ADCY9: variants seen among roughly 807,000 people sequenced by gnomAD.
ADCY9 encodes adenylate cyclase type 9.
ADCY9 carries 50 observed loss-of-function variants against 101.5 expected under a neutral mutation model. That is an observed-to-expected ratio of 0.49 (90% CI 0.39 to 0.62). ADCY9 has a LOEUF of 0.62. Among genes scored for constraint, ADCY9 ranks in the 20% least tolerant of loss-of-function variants. The pLI is 0.00. For synonymous variants in ADCY9, 905 were observed against 769.3 expected (o/e 1.18, Z -2.92); for missense variants, 1,662 against 1,800.4 (o/e 0.92, Z 1.39).
chr16:4,029,780 A>G (rs560630443), intron 2 of ADCY9, among the ~76,000 whole-genome samples: 16 of 152,282 alleles, frequency 1.1e-4, no homozygotes, highest in Admixed American at 2.0e-4. Flanking sequence ...AAGCCCAACA[A>G]TAAGAAAACA....
rs1947549816 is a variant in ADCY9 at position 3,976,126 on chromosome 16, G to GGACT, written c.2828+1352_2828+1355dup. On this transcript the variant is annotated intron_variant, in intron 9 of 10. Coordinates refer to ENST00000294016, the MANE Select transcript of ADCY9 (RefSeq NM_001116.4). ...CCTGCCTCAGCCTCCTGAGTAGCTGGGACTACAGGTGCACACCGCCATGCC... is the reference window on the plus strand; with the variant it reads ...CCTGCCTCAGCCTCCTGAGTAGCTGGGACTGACTACAGGTGCACACCGCCATGCC... Among the ~76,000 whole-genome samples, 3 of 151,954 alleles carry GGACT rather than the reference G, an allele frequency of 2.0e-5. No homozygotes were observed. The South Asian group carries it at 6.2e-4, about 32-fold the overall frequency.
At chr16:4,087,729 CGG>C (rs1567143083) in intron 2 of ADCY9, among the ~76,000 whole-genome samples, 1 of 151,414 alleles carries the variant, frequency 6.6e-6, no homozygotes, top group East Asian at 1.9e-4. Context: ...ACTATTTGCT[CGG>C]ATACTACAGT....
intron 10 of ADCY9, among the ~76,000 whole-genome samples, chr16:3,971,390 G>A (rs938250187): frequency 6.6e-6 from 1 of 152,194 alleles, no homozygotes; most frequent in South Asian, 2.1e-4. Context: ...GGAGTCCTGA[G>A]TCCACCTGGG....
At chr16:4,083,897 G>A (rs2056920988) in intron 2 of ADCY9, among the ~76,000 whole-genome samples, 1 of 152,198 alleles carries the variant, frequency 6.6e-6, no homozygotes, top group Non-Finnish European at 1.5e-5. Flanking sequence ...TCTCTGTCGA[G>A]TGAAGAAAAC....
chr16:3,991,240 A>T (rs983490567), intron 5 of ADCY9, among the ~76,000 whole-genome samples: 2 of 152,236 alleles, frequency 1.3e-5, no homozygotes, highest in African/African-American at 4.8e-5. Context: ...TAGTCATAAG[A>T]GGAATATAAT....
Position 3,964,458 on chromosome 16 carries a change from T to C in ADCY9, c.*1317A>G, listed in dbSNP as rs2055969760. On this transcript the variant is annotated 3_prime_UTR_variant, in exon 11 of 11. Coordinates refer to ENST00000294016, the MANE Select transcript of ADCY9 (RefSeq NM_001116.4). ...CAGATGCCTCTGTCCCTAGATACGGTGTGAGAACTCCATTTCAGAGCTGGA... is the reference window on the plus strand; with the variant it reads ...CAGATGCCTCTGTCCCTAGATACGGCGTGAGAACTCCATTTCAGAGCTGGA... 3 of 152,276 alleles carry C rather than the reference T, an allele frequency of 2.0e-5. No homozygotes were observed. 9.4% of individuals were successfully genotyped at this position (152,276 alleles called of 1,614,324 possible).
intron 2 of ADCY9, among the ~76,000 whole-genome samples, chr16:4,081,841 T>C (rs1480644064): frequency 2.8e-5 from 4 of 144,096 alleles, no homozygotes; most frequent in African/African-American, 8.0e-5. Flanking sequence ...GGGCGCTGTG[T>C]CTGCAGTGGC....
intron 3 of ADCY9, among the ~76,000 whole-genome samples, chr16:4,001,456 G>A (rs993975412): frequency 6.6e-6 from 1 of 152,172 alleles, no homozygotes; most frequent in African/African-American, 2.4e-5. Flanking sequence ...CTAGGGTACC[G>A]GATGGCAGTG....
intron 2 of ADCY9, among the ~76,000 whole-genome samples, chr16:4,013,850 A>G (rs758520573): frequency 6.6e-6 from 1 of 152,232 alleles, no homozygotes; most frequent in South Asian, 2.1e-4. Context: ...AAAAGAGAGA[A>G]TATCTTTCAT....
At position 4,024,601 on chromosome 16, in the gene ADCY9, C is replaced by T. The variant is rs544313439; in HGVS notation, c.1694-17043G>A. Among the ~76,000 whole-genome samples the T allele has an allele frequency of 2.6e-5, 4 of 152,122 alleles. No individual in the cohort carries two copies. In the East Asian group the frequency reaches 7.7e-4, roughly 29 times the overall value. On this transcript the variant is annotated intron_variant, in intron 2 of 10. Coordinates refer to ENST00000294016, the MANE Select transcript of ADCY9 (RefSeq NM_001116.4). ...TTAAAGCCTACACAGCTCTGGGTGGCGAATGGCTCCGGAGGTGTCAGGAGT... is the reference window on the plus strand; with the variant it reads ...TTAAAGCCTACACAGCTCTGGGTGGTGAATGGCTCCGGAGGTGTCAGGAGT...
At chr16:4,104,723 G>C (rs550309332) in intron 2 of ADCY9, among the ~76,000 whole-genome samples, 56 of 152,320 alleles carry the variant, frequency 3.7e-4, no homozygotes, top group African/African-American at 1.3e-3. Context: ...ACTAAAGCCA[G>C]ATTTTCTACA....
chr16:4,084,802 C>G (rs533118187), intron 2 of ADCY9, among the ~76,000 whole-genome samples: 1 of 152,164 alleles, frequency 6.6e-6, no homozygotes, highest in African/African-American at 2.4e-5. Flanking sequence ...ATTAACATAG[C>G]CAAACTGAGC....
chr16:4,003,564 T>TC (rs2056346454), intron 3 of ADCY9, among the ~76,000 whole-genome samples: 1 of 29,834 alleles, frequency 3.4e-5, no homozygotes. Context: ...CTTTCTTTTC[T>TC]TTTTTTTTTT....
chr16:3,971,112 G>A (rs943136984), intron 10 of ADCY9, among the ~76,000 whole-genome samples: 1 of 152,054 alleles, frequency 6.6e-6, no homozygotes, highest in Non-Finnish European at 1.5e-5. Flanking sequence ...ATTTAGGCAC[G>A]TGCTGGGCAG....
intron 2 of ADCY9, among the ~76,000 whole-genome samples, chr16:4,049,565 C>A (rs13380497): frequency 6.6e-6 from 1 of 152,062 alleles, no homozygotes; most frequent in Non-Finnish European, 1.5e-5. Flanking sequence ...GCCGAAACCA[C>A]GTGAAAAGAT....
intron 2 of ADCY9, among the ~76,000 whole-genome samples, chr16:4,080,731 T>G (rs1275007527): frequency 6.6e-6 from 1 of 151,494 alleles, no homozygotes; most frequent in Admixed American, 6.6e-5. Flanking sequence ...TTTTTTTTTT[T>G]GTAAAAATAT....
chr16:3,987,847 C>CA (rs1022221260), intron 6 of ADCY9, among the ~76,000 whole-genome samples: 3 of 152,170 alleles, frequency 2.0e-5, no homozygotes, highest in Admixed American at 6.5e-5. Context: ...TGGGAACACT[C>CA]AGAGGTTAGG....
chr16:3,966,019 G>C lies in ADCY9; in HGVS notation c.3818C>G (p.Ser1273Cys). The C allele has an allele frequency of 6.2e-7, 1 of 1,614,210 alleles. No homozygotes were observed. Among genetic ancestry groups the C allele is most frequent in the South Asian group, 1.1e-5 (1 of 91,084 alleles). Reference protein sequence around the residue: ...RVQVDGSIGRSPTDEIANLVP... With the variant: ...RVQVDGSIGRCPTDEIANLVP... Reference sequence around the variant, plus strand: ...CAGGTTGGCAATCTCGTCTGTGGGAGACCGTCCGATGCTGCCATCCACCTG... The same window carrying C: ...CAGGTTGGCAATCTCGTCTGTGGGACACCGTCCGATGCTGCCATCCACCTG... Residue 1273 changes from serine (S) to cysteine (C), a missense_variant, in exon 11 of 11, where the codon TCT becomes TGT. Coordinates refer to ENST00000294016, the MANE Select transcript of ADCY9 (RefSeq NM_001116.4).
At chr16:4,073,107 T>C (rs1051485110) in intron 2 of ADCY9, among the ~76,000 whole-genome samples, 1 of 152,174 alleles carries the variant, frequency 6.6e-6, no homozygotes, top group Non-Finnish European at 1.5e-5. Context: ...ACATTTTCTT[T>C]TTTTTCAGAA....
Sources: allele counts gnomAD v4.1 joint callset (sites outside exome capture counted in the v4.1 genomes callset), GRCh38; gene constraint gnomAD v4.1.1; transcripts MANE v1.5; gene names NCBI Gene and HGNC (gene_info 2026-07-23, HGNC 2026-07-21).